The following ADAMTSL1 variants were observed in gnomAD, a reference collection of about 807,000 sequenced individuals.
The protein encoded by ADAMTSL1 is ADAMTS-like protein 1.
Under a neutral mutation model 201.8 loss-of-function variants are expected in ADAMTSL1, and 126 were observed. That is an observed-to-expected ratio of 0.62 (90% CI 0.54 to 0.72). The LOEUF (loss-of-function observed/expected upper bound fraction) is 0.72. Ranked by LOEUF, ADAMTSL1 falls within the 30% of genes least tolerant of loss-of-function variation. The pLI is 0.00. For missense variants in ADAMTSL1, 2,679 were observed against 2,277.8 expected (o/e 1.18, Z -3.59); for synonymous variants, 1,121 against 903.4 (o/e 1.24, Z -4.32).
intron 7 of ADAMTSL1, among the ~76,000 whole-genome samples, chr9:18,651,967 C>T (rs376479392): frequency 6.6e-6 from 1 of 151,766 alleles, no homozygotes; most frequent in African/African-American, 2.4e-5. Context: ...GGCAGATTGA[C>T]CATCCTATAT....
chr9:18,300,936 T>A (rs1267138215), intron 2 of ADAMTSL1, among the ~76,000 whole-genome samples: 1 of 152,160 alleles, frequency 6.6e-6, no homozygotes, highest in Non-Finnish European at 1.5e-5. Flanking sequence ...TTTACATGTT[T>A]GGGGAAAATT....
intron 23 of ADAMTSL1, among the ~76,000 whole-genome samples, chr9:18,887,209 A>T (rs1167317017): frequency 2.0e-5 from 3 of 152,196 alleles, no homozygotes; most frequent in African/African-American, 4.8e-5. Context: ...TAGACATTTG[A>T]GTTTATTATA....
chr9:18,100,412 C>T (rs1054571334), intron 1 of ADAMTSL1, among the ~76,000 whole-genome samples: 2 of 152,158 alleles, frequency 1.3e-5, no homozygotes, highest in African/African-American at 4.8e-5. Flanking sequence ...TCCAGAGTAG[C>T]TGGGACTACA....
chr9:18,585,054 C>T (rs1357507934), intron 4 of ADAMTSL1, among the ~76,000 whole-genome samples: 1 of 152,136 alleles, frequency 6.6e-6, no homozygotes, highest in Non-Finnish European at 1.5e-5. Flanking sequence ...CAAGCTCTAC[C>T]CATTATCCAA....
intron 1 of ADAMTSL1, among the ~76,000 whole-genome samples, chr9:18,018,122 T>G (rs2131576368): frequency 6.6e-6 from 1 of 152,154 alleles, no homozygotes; most frequent in East Asian, 1.9e-4. Context: ...ACAACAGAGA[T>G]GATATGTGCA....
Position 18,652,033 on chromosome 9 carries a change from A to T in ADAMTSL1, c.835-5606A>T, listed in dbSNP as rs965450366. On this transcript the variant is annotated intron_variant, in intron 7 of 28. Transcript: ENST00000380548. ...ATTTGGAAGATAAAAGACTAGATAG[A>T]CAGTTTTGAAATAGTGATACATATC... Among the ~76,000 whole-genome samples, 9 of 152,224 alleles carry T rather than the reference A, an allele frequency of 5.9e-5. No individual in the cohort carries two copies. The Middle Eastern group carries it at 0.01, about 173-fold the overall frequency.
At chr9:18,498,910 C>T (rs1400212213) in intron 1 of ADAMTSL1, among the ~76,000 whole-genome samples, 3 of 152,244 alleles carry the variant, frequency 2.0e-5, no homozygotes, top group African/African-American at 7.2e-5. Flanking sequence ...ACTTAAGAAA[C>T]CCCAGTTTTC....
intron 2 of ADAMTSL1, among the ~76,000 whole-genome samples, chr9:18,406,451 C>G (rs1818212068): frequency 1.3e-5 from 2 of 152,008 alleles, no homozygotes; most frequent in Non-Finnish European, 2.9e-5. Context: ...GCCTCAGCCT[C>G]CCACGTAGCT....
intron 1 of ADAMTSL1, among the ~76,000 whole-genome samples, chr9:17,924,104 T>G (rs1009407313): frequency 6.8e-6 from 1 of 147,078 alleles, no homozygotes; most frequent in African/African-American, 2.5e-5. Flanking sequence ...GTTGTGTCTC[T>G]GCCCGGCTTT....
At chr9:18,523,856 A>T (rs1256283481) in intron 2 of ADAMTSL1, among the ~76,000 whole-genome samples, 1 of 137,384 alleles carries the variant, frequency 7.3e-6, no homozygotes, top group Non-Finnish European at 1.6e-5. Flanking sequence ...CTTGCAGTAT[A>T]GTTTGAAGTC....
chr9:18,389,626 A>G (rs1837961191), intron 2 of ADAMTSL1, among the ~76,000 whole-genome samples: 1 of 152,182 alleles, frequency 6.6e-6, no homozygotes, highest in Admixed American at 6.5e-5. Context: ...CAATATGTAG[A>G]GATAAAACTT....
chr9:17,919,682 A>C (rs571646552), intron 1 of ADAMTSL1, among the ~76,000 whole-genome samples: 52 of 152,192 alleles, frequency 3.4e-4, no homozygotes, highest in African/African-American at 1.2e-3. Context: ...GTATTATTCC[A>C]TTGTATGAAT....
intron 2 of ADAMTSL1, among the ~76,000 whole-genome samples, chr9:18,355,732 C>T (rs954454518): frequency 2.6e-5 from 4 of 152,212 alleles, no homozygotes; most frequent in African/African-American, 9.7e-5. Flanking sequence ...GCTGGCCAGG[C>T]ATGGTGGCTC....
intron 28 of ADAMTSL1, 90 bp downstream of exon 28, chr9:18,907,002 G>T: frequency 6.9e-7 from 1 of 1,458,638 alleles, no homozygotes; most frequent in Non-Finnish European, 9.4e-7. Flanking sequence ...TGAGCATAGG[G>T]CATGGGGTCA....
intron 27 of ADAMTSL1, 60 bp downstream of exon 27, chr9:18,905,951 T>C: frequency 7.1e-7 from 1 of 1,409,674 alleles, no homozygotes; most frequent in Non-Finnish European, 9.8e-7. Flanking sequence ...GGAAAGATGG[T>C]GCTGAGTGAA....
intron 1 of ADAMTSL1, among the ~76,000 whole-genome samples, chr9:18,117,725 T>C (rs1278897353): frequency 6.6e-6 from 1 of 152,182 alleles, no homozygotes; most frequent in African/African-American, 2.4e-5. Context: ...GGTCTTTGTT[T>C]TTCTCAATGA....
intron 23 of ADAMTSL1, among the ~76,000 whole-genome samples, chr9:18,858,521 A>G (rs1827010816): frequency 6.6e-6 from 1 of 152,356 alleles, no homozygotes; most frequent in African/African-American, 2.4e-5. Flanking sequence ...CAAAAGTATG[A>G]GGAATTGCTG....
intron 14 of ADAMTSL1, among the ~76,000 whole-genome samples, chr9:18,720,183 C>T (rs1833247130): frequency 6.6e-6 from 1 of 152,152 alleles, no homozygotes; most frequent in African/African-American, 2.4e-5. Context: ...GATATGACAG[C>T]CTCTTAATAT....
chr9:18,135,110 G>T (rs1349560282), intron 1 of ADAMTSL1, among the ~76,000 whole-genome samples: 2 of 152,112 alleles, frequency 1.3e-5, no homozygotes, highest in African/African-American at 4.8e-5. Context: ...TTATCTGACT[G>T]AGATATTTCA....
Sources: allele counts gnomAD v4.1 joint callset (sites outside exome capture counted in the v4.1 genomes callset), GRCh38; gene constraint gnomAD v4.1.1; transcripts MANE v1.5; gene names NCBI Gene and HGNC (gene_info 2026-07-23, HGNC 2026-07-21).